NCAM1: variants seen among roughly 807,000 people sequenced by gnomAD.
NCAM1 encodes antigen recognized by monoclonal antibody 5.1H11.
In NCAM1, 14 loss-of-function variants were observed where a neutral mutation model predicts 109.8. That is an observed-to-expected ratio of 0.13 (90% CI 0.08 to 0.20). The LOEUF is 0.20. Ranked by LOEUF, NCAM1 falls within the 10% of genes least tolerant of loss-of-function variation. The probability of loss-of-function intolerance (pLI) is 1.00; values close to 1 mark genes in which losing one functional copy is unlikely to be tolerated. For missense variants in NCAM1, 774 were observed against 1,109.9 expected, an observed-to-expected ratio of 0.70 and a Z score of 4.30; for synonymous variants, 418 against 442.9, an observed-to-expected ratio of 0.94 and a Z score of 0.70.
At chr11:112,987,949 G>A (rs1951350548) in intron 1 of NCAM1, among the ~76,000 whole-genome samples, 1 of 151,970 alleles carries the variant, frequency 6.6e-6, no homozygotes, top group African/African-American at 2.4e-5. Context: ...GTTTTGTGAA[G>A]GCTTTGTTCC....
intron 14 of NCAM1, among the ~76,000 whole-genome samples, chr11:113,244,963 C>A (rs1945457724): frequency 6.6e-6 from 1 of 152,138 alleles, no homozygotes; most frequent in Non-Finnish European, 1.5e-5. Flanking sequence ...TCTCCCTCAG[C>A]CTCAATTGGC....
intron 1 of NCAM1, among the ~76,000 whole-genome samples, chr11:113,113,666 G>A (rs1240915519): frequency 5.9e-5 from 9 of 152,014 alleles, no homozygotes; most frequent in East Asian, 1.9e-4. Context: ...TTTTGTTGTC[G>A]TTGCTTGTTT....
At chr11:113,257,118 C>T (rs1363122369) in intron 16 of NCAM1, among the ~76,000 whole-genome samples, 8 of 152,216 alleles carry the variant, frequency 5.3e-5, no homozygotes, top group African/African-American at 1.7e-4. Context: ...CCTGTCACTG[C>T]CCTGAGGCCC....
intron 1 of NCAM1, among the ~76,000 whole-genome samples, chr11:113,151,781 T>C (rs1009454554): frequency 1.3e-5 from 2 of 152,272 alleles, no homozygotes; most frequent in African/African-American, 4.8e-5. Flanking sequence ...TGAGCTTTGT[T>C]ACTCATCGGT....
At chr11:113,161,842 C>G (rs1219305607) in intron 1 of NCAM1, among the ~76,000 whole-genome samples, 1 of 152,086 alleles carries the variant, frequency 6.6e-6, no homozygotes, top group Non-Finnish European at 1.5e-5. Flanking sequence ...TGGTTGAGCT[C>G]CATAGAGTAG....
At chr11:113,040,534 T>G (rs1027837598) in intron 1 of NCAM1, among the ~76,000 whole-genome samples, 1 of 152,236 alleles carries the variant, frequency 6.6e-6, no homozygotes, top group Non-Finnish European at 1.5e-5. Flanking sequence ...CAAAACTTTA[T>G]GTACAAAAAC....
rs78187572 is a variant in NCAM1 at position 113,160,493 on chromosome 11, A to G, written c.53-41886A>G. Among the ~76,000 whole-genome samples, 363 of 152,326 alleles carry G rather than the reference A, an allele frequency of 2.4e-3. 9 individuals carry two copies. The East Asian group carries it at 0.039, about 16-fold the overall frequency. ...TGAACTTGGAACTGCAGAGTTTTGC[A>G]GGGATTATGAAAGAATCAGACACAA... On this transcript the variant is annotated intron_variant, in intron 1 of 19. Transcript: ENST00000316851.
intron 1 of NCAM1, among the ~76,000 whole-genome samples, chr11:113,161,732 C>T (rs771124401): frequency 7.2e-4 from 110 of 152,234 alleles, no homozygotes; most frequent in Non-Finnish European, 1.2e-3. Context: ...TTTGGCTTCC[C>T]GCCCACCCCC....
intron 1 of NCAM1, among the ~76,000 whole-genome samples, chr11:112,978,067 G>T (rs1555067988): frequency 2.6e-5 from 4 of 151,802 alleles, no homozygotes; most frequent in African/African-American, 9.7e-5. Flanking sequence ...GAACGTTGGG[G>T]TGAAGAGGAA....
chr11:112,961,749 G>T, intron 1 of NCAM1, 85 bp downstream of exon 1: 1 of 841,432 alleles, frequency 1.2e-6, no homozygotes, highest in South Asian at 1.6e-5. Context: ...ATTATTTTGG[G>T]TGGTTTTACG....
intron 1 of NCAM1, among the ~76,000 whole-genome samples, chr11:113,199,390 A>C: frequency 6.6e-6 from 1 of 152,060 alleles, no homozygotes; most frequent in East Asian, 1.9e-4. Flanking sequence ...CTATCATTAA[A>C]CCTAGTATTT....
intron 1 of NCAM1, among the ~76,000 whole-genome samples, chr11:113,192,738 C>T (rs1318600051): frequency 6.6e-6 from 1 of 152,160 alleles, no homozygotes; most frequent in Non-Finnish European, 1.5e-5. Context: ...GGACAACGGC[C>T]AACCCTGTGG....
chr11:113,178,112 A>G (rs1943224166), intron 1 of NCAM1, among the ~76,000 whole-genome samples: 1 of 152,244 alleles, frequency 6.6e-6, no homozygotes, highest in African/African-American at 2.4e-5. Flanking sequence ...AAATGCAAAT[A>G]CGGTCCCAAC....
At chr11:113,251,535 A>C (rs1170158431) in intron 15 of NCAM1, among the ~76,000 whole-genome samples, 1 of 152,204 alleles carries the variant, frequency 6.6e-6, no homozygotes, top group Non-Finnish European at 1.5e-5. Context: ...TCCTGCTAGA[A>C]AATACCAGAA....
chr11:113,046,267 G>A (rs1953263303), intron 1 of NCAM1, among the ~76,000 whole-genome samples: 1 of 152,198 alleles, frequency 6.6e-6, no homozygotes, highest in African/African-American at 2.4e-5. Flanking sequence ...GAAACAAACG[G>A]AAAAGCAGAG....
At chr11:113,183,064 AC>A (rs1175635257) in intron 1 of NCAM1, among the ~76,000 whole-genome samples, 1 of 152,106 alleles carries the variant, frequency 6.6e-6, no homozygotes, top group Non-Finnish European at 1.5e-5. Context: ...AGTTAGTCCA[AC>A]CCCTTCCTTT....
intron 1 of NCAM1, among the ~76,000 whole-genome samples, chr11:113,085,920 C>T (rs1322853580): frequency 1.3e-5 from 2 of 152,170 alleles, no homozygotes; most frequent in Non-Finnish European, 2.9e-5. Flanking sequence ...TGCCAACCTC[C>T]CTAATTATCT....
chr11:113,067,648 C>A (rs887233907), intron 1 of NCAM1, among the ~76,000 whole-genome samples: 1 of 152,198 alleles, frequency 6.6e-6, no homozygotes, highest in South Asian at 2.1e-4. Context: ...ACGAATACTG[C>A]AATTAGCTGC....
chr11:113,263,026 C>A, intron 17 of NCAM1: 1 of 1,523,230 alleles, frequency 6.6e-7, no homozygotes. Flanking sequence ...ATGGCCACAG[C>A]TGCTGAGCAA....
Sources: gnomAD v4.1 joint callset for allele counts (sites outside exome capture counted in the v4.1 genomes callset) on GRCh38, gnomAD v4.1.1 for gene constraint, MANE v1.5 for transcripts, NCBI Gene and HGNC (gene_info 2026-07-23, HGNC 2026-07-21) for gene names.